Variants in CLSTN2 observed in about 807,000 individuals in gnomAD.
The protein encoded by CLSTN2 is calsyntenin 2.
In CLSTN2, 48 loss-of-function variants were observed where a neutral mutation model predicts 101.2. That is an observed-to-expected ratio of 0.47 (90% confidence interval 0.38 to 0.60). CLSTN2 has a LOEUF of 0.60. Among genes scored for constraint, CLSTN2 ranks in the 20% least tolerant of loss-of-function variants. The probability of loss-of-function intolerance (pLI) is 0.00; values close to 1 mark genes in which losing one functional copy is unlikely to be tolerated. For missense variants in CLSTN2, 1,160 were observed against 1,238.2 expected (o/e 0.94, Z 0.95); for synonymous variants, 481 against 463.6 (o/e 1.04, Z -0.48).
chr3:140,000,883 C>T (rs1218372970), intron 1 of CLSTN2, among the ~76,000 whole-genome samples: 1 of 152,144 alleles, frequency 6.6e-6, no homozygotes, highest in Non-Finnish European at 1.5e-5. Context: ...GCCTGTAAGC[C>T]TGACAGTCCA....
intron 1 of CLSTN2, among the ~76,000 whole-genome samples, chr3:139,963,796 T>C (rs1055247083): frequency 1.3e-5 from 2 of 152,228 alleles, no homozygotes; most frequent in East Asian, 1.9e-4. Context: ...TTTGTGCAGT[T>C]GTCAGTATAG....
intron 1 of CLSTN2, among the ~76,000 whole-genome samples, chr3:140,031,882 C>A (rs2007557899): frequency 6.6e-6 from 1 of 152,232 alleles, no homozygotes; most frequent in Admixed American, 6.5e-5. Flanking sequence ...TCAGCCACTG[C>A]ACAATTGATG....
intron 2 of CLSTN2, among the ~76,000 whole-genome samples, chr3:140,366,910 A>C (rs1169654365): frequency 6.6e-6 from 1 of 152,162 alleles, no homozygotes; most frequent in Non-Finnish European, 1.5e-5. Flanking sequence ...CAGCCAACCC[A>C]GGGTAGAACT....
chr3:139,986,238 T>C (rs7621988), intron 1 of CLSTN2, among the ~76,000 whole-genome samples: 49,908 of 152,140 alleles, frequency 0.33, 10,121 homozygotes, highest in Non-Finnish European at 0.46. Flanking sequence ...TATTTTAAAG[T>C]AAATCATTAC....
intron 2 of CLSTN2, among the ~76,000 whole-genome samples, chr3:140,221,701 A>G (rs747856141): frequency 1.3e-5 from 2 of 152,238 alleles, no homozygotes; most frequent in Non-Finnish European, 2.9e-5. Flanking sequence ...TCAAAAGAAG[A>G]CACATAAATG....
At chr3:140,066,923 G>T (rs753983610) in intron 1 of CLSTN2, among the ~76,000 whole-genome samples, 1 of 152,170 alleles carries the variant, frequency 6.6e-6, no homozygotes, top group Non-Finnish European at 1.5e-5. Flanking sequence ...TCTATGTTAA[G>T]GAGTTTAGTA....
intron 2 of CLSTN2, among the ~76,000 whole-genome samples, chr3:140,209,711 C>T (rs923972843): frequency 3.9e-5 from 6 of 152,058 alleles, no homozygotes; most frequent in Non-Finnish European, 7.4e-5. Context: ...AAAAGTTACA[C>T]CCCCCTGTAC....
intron 5 of CLSTN2, among the ~76,000 whole-genome samples, chr3:140,432,203 A>G (rs1032300423): frequency 2.0e-5 from 3 of 151,966 alleles, no homozygotes; most frequent in African/African-American, 7.3e-5. Flanking sequence ...CAGCTATGCC[A>G]TAGCTCACTC....
At chr3:140,274,280 G>A (rs1176248306) in intron 2 of CLSTN2, among the ~76,000 whole-genome samples, 1 of 152,146 alleles carries the variant, frequency 6.6e-6, no homozygotes, top group Non-Finnish European at 1.5e-5. Flanking sequence ...CTCTGGCATT[G>A]CTTATCCTGA....
At chr3:140,184,101 T>C (rs764827206) in intron 2 of CLSTN2, among the ~76,000 whole-genome samples, 37 of 152,214 alleles carry the variant, frequency 2.4e-4, no homozygotes, top group Non-Finnish European at 4.0e-4. Context: ...GAGTAGGCTG[T>C]AGGCTGGCTG....
chr3:140,153,076 A>G (rs2009891944), intron 1 of CLSTN2, among the ~76,000 whole-genome samples: 1 of 152,162 alleles, frequency 6.6e-6, no homozygotes, highest in South Asian at 2.1e-4. Flanking sequence ...GTACCAGGGC[A>G]CAGTGTGGGA....
rs548586430 is a variant in CLSTN2, at chr3:140,175,844, T to C, written c.110-107T>C. On this transcript the variant is annotated intron_variant, in intron 1 of 16. Transcript: ENST00000458420. ...ATGTTCCATGTCTCTCATGGGATTGTTGGATGAGAGTCTATGATTGGGCAA... is the reference window on the plus strand; with the variant it reads ...ATGTTCCATGTCTCTCATGGGATTGCTGGATGAGAGTCTATGATTGGGCAA... 3.7e-6 allele frequency: 4 copies of C among 1,084,250 alleles called. No homozygotes were observed. The East Asian group carries it at 7.8e-5, about 21-fold the overall frequency. 67.2% of individuals were successfully genotyped at this position (1,084,250 alleles called of 1,614,324 possible).
At chr3:140,323,496 G>A (rs1213872183) in intron 2 of CLSTN2, among the ~76,000 whole-genome samples, 2 of 152,194 alleles carry the variant, frequency 1.3e-5, no homozygotes, top group African/African-American at 4.8e-5. Flanking sequence ...TAGATAAAAT[G>A]ATTGGCATTC....
chr3:140,559,928 A>G (rs771697002), intron 12 of CLSTN2, among the ~76,000 whole-genome samples: 2 of 152,198 alleles, frequency 1.3e-5, no homozygotes, highest in Non-Finnish European at 2.9e-5. Context: ...ACAGGCCAAC[A>G]TGCATTAGGT....
At position 140,556,542 on chromosome 3, in the gene CLSTN2, G is replaced by C; in HGVS notation, c.1704G>C (p.Leu568=). The change falls in exon 11 of 17, where the codon CTG becomes CTC. Residue 568 remains leucine (L), a synonymous_variant. Transcript: ENST00000458420. The part of the protein sequence containing the change: ...KYHFNPSQSI[L]VMEGDDIGNI... Reference sequence around the variant, plus strand: ...ACTTCAACCCCTCGCAGTCCATCCTGGTGATGGAAGGTGACGACATTGGGA... The same window carrying C: ...ACTTCAACCCCTCGCAGTCCATCCTCGTGATGGAAGGTGACGACATTGGGA... 1 of 1,613,832 alleles carries C rather than the reference G, an allele frequency of 6.2e-7. No homozygotes were observed. The highest frequency in any genetic ancestry group is 8.5e-7 in the Non-Finnish European group (1 of 1,179,772).
At chr3:140,487,569 C>T (rs1188664164) in intron 8 of CLSTN2, among the ~76,000 whole-genome samples, 2 of 152,252 alleles carry the variant, frequency 1.3e-5, no homozygotes, top group African/African-American at 4.8e-5. Flanking sequence ...CTATGCTAGA[C>T]CCCATGGCTC....
At chr3:140,137,949 G>A (rs1014197326) in intron 1 of CLSTN2, among the ~76,000 whole-genome samples, 3 of 152,184 alleles carry the variant, frequency 2.0e-5, no homozygotes, top group African/African-American at 7.2e-5. Context: ...TTGTGGGCTT[G>A]CTTGCTGTTT....
intron 2 of CLSTN2, among the ~76,000 whole-genome samples, chr3:140,373,201 T>G (rs890111984): frequency 6.6e-6 from 1 of 152,218 alleles, no homozygotes; most frequent in Admixed American, 6.5e-5. Flanking sequence ...TGTATAACAT[T>G]AAGAAAAAGC....
intron 1 of CLSTN2, among the ~76,000 whole-genome samples, chr3:140,097,142 T>G (rs991307932): frequency 1.3e-5 from 2 of 152,222 alleles, no homozygotes; most frequent in Non-Finnish European, 2.9e-5. Context: ...GTATTGATAA[T>G]GTGCCAGGGG....
Sources: gnomAD v4.1 joint callset for allele counts (sites outside exome capture counted in the v4.1 genomes callset) on GRCh38, gnomAD v4.1.1 for gene constraint, MANE v1.5 for transcripts, NCBI Gene and HGNC (gene_info 2026-07-23, HGNC 2026-07-21) for gene names.